ZNF385B: variants seen among roughly 807,000 people sequenced by gnomAD.
The protein encoded by ZNF385B is zinc finger protein 533.
ZNF385B carries 23 observed loss-of-function variants against 39.2 expected under a neutral mutation model. The ratio of observed to expected loss-of-function variants is 0.59; its 90% confidence interval spans 0.42 to 0.83. The LOEUF is 0.83. ZNF385B is among the 40% of genes least tolerant of loss of function. ZNF385B has a pLI of 0.00. For synonymous variants in ZNF385B, 205 were observed against 222.6 expected (o/e 0.92, Z 0.70); for missense variants, 552 against 598.9 (o/e 0.92, Z 0.82).
rs549993111 is a variant in ZNF385B at position 179,635,549 on chromosome 2, A to T, written c.299-90580T>A. ...AAGTATAATAATAATAAAAAAAGAA[A>T]ATTAACATGAAATCCCAAATACAAA... On this transcript the variant is annotated intron_variant, in intron 3 of 9. Transcript: ENST00000410066. 2.0e-5 allele frequency among the ~76,000 whole-genome samples: 3 copies of T among 152,278 alleles called. No homozygotes were observed. The East Asian group carries it at 5.8e-4, about 29-fold the overall frequency.
intron 1 of ZNF385B, among the ~76,000 whole-genome samples, chr2:179,855,532 T>C (rs1026448561): frequency 1.3e-5 from 2 of 152,226 alleles, no homozygotes; most frequent in Non-Finnish European, 2.9e-5. Flanking sequence ...ATAAAGTTGA[T>C]GTGGCACCAA....
At chr2:179,627,636 C>T (rs1296151060) in intron 3 of ZNF385B, among the ~76,000 whole-genome samples, 1 of 152,158 alleles carries the variant, frequency 6.6e-6, no homozygotes, top group Non-Finnish European at 1.5e-5. Context: ...CACGAGGTCC[C>T]ATCAATAGCT....
chr2:179,834,576 A>G (rs928978560), intron 1 of ZNF385B, among the ~76,000 whole-genome samples: 1 of 152,212 alleles, frequency 6.6e-6, no homozygotes, highest in Admixed American at 6.5e-5. Context: ...AAGTCAAATA[A>G]TGAGTGTACA....
At chr2:179,806,375 C>T (rs915225565) in intron 1 of ZNF385B, among the ~76,000 whole-genome samples, 11 of 152,130 alleles carry the variant, frequency 7.2e-5, no homozygotes, top group Non-Finnish European at 5.9e-5. Flanking sequence ...TCCTTGTCTT[C>T]TGCCTGGGTC....
chr2:179,810,280 G>A (rs1706653460), intron 1 of ZNF385B, among the ~76,000 whole-genome samples: 1 of 151,688 alleles, frequency 6.6e-6, no homozygotes, highest in South Asian at 2.1e-4. Context: ...AAGAAAAACA[G>A]ACAATTTCAA....
chr2:179,567,044 T>C (rs947797112), intron 3 of ZNF385B, among the ~76,000 whole-genome samples: 7 of 151,854 alleles, frequency 4.6e-5, no homozygotes, highest in African/African-American at 1.7e-4. Context: ...GCCTCCCGAG[T>C]AGCTGAGATT....
At chr2:179,467,219 A>C (rs2052158965) in intron 6 of ZNF385B, among the ~76,000 whole-genome samples, 1 of 152,106 alleles carries the variant, frequency 6.6e-6, no homozygotes, top group Non-Finnish European at 1.5e-5. Flanking sequence ...GGCTTCCTCC[A>C]ACTAGATGCC....
intron 3 of ZNF385B, among the ~76,000 whole-genome samples, chr2:179,694,053 A>G (rs915769562): frequency 6.6e-6 from 1 of 152,260 alleles, no homozygotes; most frequent in Admixed American, 6.5e-5. Context: ...CTTCAAATAT[A>G]GAACTTTATC....
chr2:179,636,600 G>A (rs555637649), intron 3 of ZNF385B, among the ~76,000 whole-genome samples: 88 of 152,112 alleles, frequency 5.8e-4, no homozygotes, highest in Non-Finnish European at 1.2e-3. Context: ...GCCCTCTCAG[G>A]GCCTTGGAAG....
chr2:179,632,693 A>T (rs1175039362), intron 3 of ZNF385B, among the ~76,000 whole-genome samples: 1 of 152,200 alleles, frequency 6.6e-6, no homozygotes, highest in Non-Finnish European at 1.5e-5. Flanking sequence ...GTAAGAAATA[A>T]CTAAGATCAG....
chr2:179,493,630 C>CATATGCAT (rs755042498), intron 5 of ZNF385B, among the ~76,000 whole-genome samples: 104 of 94,376 alleles, frequency 1.1e-3, no homozygotes, highest in African/African-American at 3.2e-3. Context: ...TATGTATACG[C>CATATGCAT]ATATGTATAC....
chr2:179,655,651 A>T (rs1260127311), intron 3 of ZNF385B, among the ~76,000 whole-genome samples: 1 of 152,048 alleles, frequency 6.6e-6, no homozygotes, highest in Non-Finnish European at 1.5e-5. Context: ...TAAAGAAACA[A>T]AATTTTCCAC....
intron 1 of ZNF385B, among the ~76,000 whole-genome samples, chr2:179,818,075 T>C (rs996303808): frequency 6.6e-6 from 1 of 152,036 alleles, no homozygotes; most frequent in Non-Finnish European, 1.5e-5. Flanking sequence ...ATGTTGCATG[T>C]GTGTAATATG....
intron 3 of ZNF385B, among the ~76,000 whole-genome samples, chr2:179,718,778 G>T (rs1221579249): frequency 6.6e-6 from 1 of 150,546 alleles, no homozygotes; most frequent in African/African-American, 2.4e-5. Flanking sequence ...CTAGAGAAGA[G>T]GCTAGGAGTT....
At chr2:179,664,666 ATAT>A (rs1484660502) in intron 3 of ZNF385B, among the ~76,000 whole-genome samples, 9 of 152,218 alleles carry the variant, frequency 5.9e-5, no homozygotes. Context: ...GTATTATGAA[ATAT>A]TATAAAATAT....
chr2:179,817,034 T>G (rs914630868), intron 1 of ZNF385B, among the ~76,000 whole-genome samples: 1 of 152,164 alleles, frequency 6.6e-6, no homozygotes, highest in Non-Finnish European at 1.5e-5. Flanking sequence ...TGAATAACAC[T>G]AGGCATTTTC....
At chr2:179,613,023 T>C (rs565974597) in intron 3 of ZNF385B, among the ~76,000 whole-genome samples, 1 of 152,370 alleles carries the variant, frequency 6.6e-6, no homozygotes, top group African/African-American at 2.4e-5. Flanking sequence ...CACTGTCCTA[T>C]ATCCACAACA....
intron 3 of ZNF385B, among the ~76,000 whole-genome samples, chr2:179,764,866 A>G (rs1335568465): frequency 6.6e-6 from 1 of 152,086 alleles, no homozygotes; most frequent in Non-Finnish European, 1.5e-5. Flanking sequence ...TATTCTGCGT[A>G]TTTCTTCCTG....
chr2:179,842,218 G>C (rs886129957), intron 1 of ZNF385B, among the ~76,000 whole-genome samples: 2 of 152,182 alleles, frequency 1.3e-5, no homozygotes, highest in African/African-American at 4.8e-5. Context: ...CCAAGTCAGA[G>C]AAGGAGAATG....
Sources: allele counts gnomAD v4.1 joint callset (sites outside exome capture counted in the v4.1 genomes callset), GRCh38; gene constraint gnomAD v4.1.1; transcripts MANE v1.5; gene names NCBI Gene and HGNC (gene_info 2026-07-23, HGNC 2026-07-21).